The following DMD variants were observed in gnomAD, a reference collection of about 807,000 sequenced individuals.
DMD encodes mutant dystrophin.
In DMD, 63 loss-of-function variants were observed where a neutral mutation model predicts 330.1. That is an observed-to-expected ratio of 0.19 (90% CI 0.16 to 0.24). The LOEUF (loss-of-function observed/expected upper bound fraction) is 0.24, where lower values mean the gene tolerates loss of function less well. Among genes scored for constraint, DMD ranks in the 10% least tolerant of loss-of-function variants. DMD has a pLI of 1.00. For synonymous variants in DMD, 1,223 were observed against 959.8 expected (o/e 1.27, Z -5.07); for missense variants, 3,344 against 2,684.1 (o/e 1.25, Z -5.43).
intron 74 of DMD, 80 bp downstream of exon 74, chrX:31,169,363 G>C (rs1043239762): frequency 4.1e-6 from 3 of 731,699 alleles, no homozygotes; most frequent in African/African-American, 2.1e-5. Context: ...ATGACTCTAA[G>C]TGAAGATTCC....
intron 57 of DMD, among the ~76,000 whole-genome samples, chrX:31,493,398 G>A (rs1439243472): frequency 1.8e-5 from 2 of 112,601 alleles, no homozygotes; most frequent in Non-Finnish European, 3.7e-5. Flanking sequence ...AGACAACAGG[G>A]AAAAGTTTGC....
rs771125754 is a variant in DMD, at chrX:32,415,480, A to G, written c.4072-3567T>C. Among the ~76,000 whole-genome samples the G allele has an allele frequency of 9.8e-5, 11 of 112,246 alleles. No individual in the cohort carries two copies. In the East Asian group the frequency reaches 3.1e-3, roughly 32 times the overall value. ...GGCATAAGCTGCCTTCTATTTCTAA[A>G]CATCTGATTAGGCGCACCCTGATGG... On this transcript the variant is annotated intron_variant, in intron 29 of 78. Coordinates refer to ENST00000357033, the MANE Select transcript of DMD (RefSeq NM_004006.3).
rs145428729 is a variant in DMD, at chrX:32,765,485, G to T, written c.649+44008C>A. 4.4e-3 allele frequency among the ~76,000 whole-genome samples: 491 copies of T among 111,179 alleles called. 4 individuals carry two copies. Among genetic ancestry groups the T allele is most frequent in the African/African-American group, 0.015 (464 of 30,593 alleles). ...ATGCCAGCATCATGCTTCCTGTACA[G>T]CCTACAGAAATGTGAGCCAATTAAA... On this transcript the variant is annotated intron_variant, in intron 7 of 78. Coordinates refer to ENST00000357033, the MANE Select transcript of DMD (RefSeq NM_004006.3).
At chrX:32,674,233 G>A in intron 9 of DMD, among the ~76,000 whole-genome samples, 1 of 111,530 alleles carries the variant, frequency 9.0e-6, no homozygotes, top group Non-Finnish European at 1.9e-5. Context: ...TTACTTAGCA[G>A]TACTGGACAT....
chrX:33,295,065 C>T (rs774537771), intron 1 of DMD, among the ~76,000 whole-genome samples: 14 of 111,213 alleles, frequency 1.3e-4, no homozygotes, highest in Middle Eastern at 4.6e-3. Context: ...ATTGTGAAAG[C>T]TGAATGCTAA....
At chrX:31,527,189 A>AT (rs1454199785) in intron 55 of DMD, among the ~76,000 whole-genome samples, 2 of 111,901 alleles carry the variant, frequency 1.8e-5, no homozygotes, top group African/African-American at 6.5e-5. Flanking sequence ...GAATATAAGA[A>AT]TGCAAAGTAA....
At chrX:31,145,662 A>ATTTT (rs749721258) in intron 76 of DMD, among the ~76,000 whole-genome samples, 1 of 86,322 alleles carries the variant, frequency 1.2e-5, no homozygotes. Context: ...TGGGAACTCT[A>ATTTT]TTTTTTTTTT....
chrX:31,242,433 T>C (rs946387304), intron 63 of DMD, among the ~76,000 whole-genome samples: 4 of 110,284 alleles, frequency 3.6e-5, no homozygotes, highest in African/African-American at 1.3e-4. Context: ...AATTTCTTCC[T>C]AGAACAATGT....
At chrX:31,757,708 C>G (rs1222532539) in intron 51 of DMD, among the ~76,000 whole-genome samples, 1 of 110,347 alleles carries the variant, frequency 9.1e-6, no homozygotes, top group African/African-American at 3.3e-5. Context: ...ATCACCCCCC[C>G]AAACCCCCAC....
Position 32,342,142 on chromosome X carries a change from C to T in DMD, c.5880G>A (p.Glu1960=), listed in dbSNP as rs1234395807. 1 of 1,209,908 alleles carries T rather than the reference C, an allele frequency of 8.3e-7. No individual in the cohort carries two copies. The highest frequency in any genetic ancestry group is 3.0e-5 in the East Asian group (1 of 33,749). The change falls in exon 41 of 79, where the codon GAG becomes GAA. Residue 1960 remains glutamate (E), a synonymous_variant. Coordinates refer to ENST00000357033, the MANE Select transcript of DMD (RefSeq NM_004006.3). ...IQLSKRWREI[E]SKFAQFRRLN... is the part of the protein sequence containing the mutation. ...GTCTTCGAAACTGAGCAAATTTGCT[C>T]TCAATTTCCCGCCAGCGCTTGCTGA...
At chrX:31,808,566 G>A (rs988100788) in intron 50 of DMD, among the ~76,000 whole-genome samples, 4 of 111,935 alleles carry the variant, frequency 3.6e-5, no homozygotes, top group Non-Finnish European at 7.5e-5. Flanking sequence ...TCCTCAAGCT[G>A]TATGCAGGCA....
intron 1 of DMD, among the ~76,000 whole-genome samples, chrX:33,073,223 G>A (rs2094786561): frequency 9.0e-6 from 1 of 111,123 alleles, no homozygotes; most frequent in African/African-American, 3.3e-5. Context: ...ACCCTGAGAG[G>A]GACATGTTTA....
intron 44 of DMD, among the ~76,000 whole-genome samples, chrX:32,159,209 A>G (rs2096840329): frequency 1.8e-5 from 2 of 112,118 alleles, no homozygotes; most frequent in African/African-American, 6.5e-5. Flanking sequence ...TTCTTACCAT[A>G]GTAAGCAATA....
chrX:31,300,661 A>G (rs1309934788), intron 62 of DMD, among the ~76,000 whole-genome samples: 1 of 112,100 alleles, frequency 8.9e-6, no homozygotes, highest in African/African-American at 3.2e-5. Flanking sequence ...AGCAGATTTT[A>G]AAAAACTGGA....
chrX:31,766,870 A>AC (rs1175727683), intron 51 of DMD, among the ~76,000 whole-genome samples: 2 of 64,699 alleles, frequency 3.1e-5, no homozygotes, highest in East Asian at 1.1e-3. Context: ...AGAAAATATG[A>AC]TTTTGTGTGT....
chrX:33,224,007 A>T (rs1204130664), intron 1 of DMD, among the ~76,000 whole-genome samples: 1 of 112,283 alleles, frequency 8.9e-6, no homozygotes, highest in Non-Finnish European at 1.9e-5. Context: ...GTCATCAGGA[A>T]ATTGCAAATT....
rs1263297890 is a variant in DMD, at chrX:31,183,288, AG to A, written c.9808-385del. ...CAGGTGTTTACTGATAAAATTTCAA[AG>A]GAGGGGGACAACTGATTTTTTTTTC... On this transcript the variant is annotated intron_variant, in intron 67 of 78. Transcript: ENST00000357033. Among the ~76,000 whole-genome samples the A allele has an allele frequency of 2.8e-5, 3 of 109,068 alleles. No homozygotes were observed. The East Asian group carries it at 8.5e-4, about 31-fold the overall frequency. The allele number at this position is 109,068 out of a possible 115,157, so 94.7% of individuals were successfully genotyped here. A position where few individuals can be genotyped will look rare whatever the true frequency, so the allele number is the denominator to read the frequency against.
intron 1 of DMD, among the ~76,000 whole-genome samples, chrX:33,083,187 T>C (rs1466712705): frequency 8.9e-6 from 1 of 111,957 alleles, no homozygotes; most frequent in Non-Finnish European, 1.9e-5. Flanking sequence ...GCTTGTGCTA[T>C]AGCTGTGGGG....
intron 11 of DMD, among the ~76,000 whole-genome samples, chrX:32,639,770 G>C (rs775159919): frequency 9.0e-6 from 1 of 111,393 alleles, no homozygotes; most frequent in Non-Finnish European, 1.9e-5. Context: ...TTGCCATTGT[G>C]AAAAAATAAC....
Sources: allele counts gnomAD v4.1 joint callset (sites outside exome capture counted in the v4.1 genomes callset), GRCh38; gene constraint gnomAD v4.1.1; transcripts MANE v1.5; gene names NCBI Gene and HGNC (gene_info 2026-07-23, HGNC 2026-07-21).